PRKN: variants seen among roughly 807,000 people sequenced by gnomAD.
The protein encoded by PRKN is parkin RBR E3 ubiquitin protein ligase, also known as E3 ubiquitin-protein ligase parkin.
PRKN carries 56 observed loss-of-function variants against 59.5 expected under a neutral mutation model. That is an observed-to-expected ratio of 0.94 (90% CI 0.76 to 1.18). The LOEUF is 1.18. Ranked by LOEUF, PRKN falls within the 50% of genes most tolerant of loss-of-function variation. PRKN has a pLI of 0.00. For synonymous variants in PRKN, 250 were observed against 222.1 expected (o/e 1.13, Z -1.12); for missense variants, 657 against 596.4 (o/e 1.10, Z -1.06).
At chr6:162,625,125 G>A (rs556051555) in intron 1 of PRKN, among the ~76,000 whole-genome samples, 57 of 152,256 alleles carry the variant, frequency 3.7e-4, no homozygotes, top group Non-Finnish European at 6.6e-4. Flanking sequence ...AAGGCTGAAC[G>A]TGCTCCAGAT....
At chr6:162,301,807 T>C (rs1781973196) in intron 2 of PRKN, among the ~76,000 whole-genome samples, 1 of 145,140 alleles carries the variant, frequency 6.9e-6, no homozygotes. Context: ...AGAATTCACT[T>C]TCCCTGAAAG....
chr6:162,516,101 G>A (rs186974711), intron 1 of PRKN, among the ~76,000 whole-genome samples: 7 of 152,294 alleles, frequency 4.6e-5, no homozygotes, highest in South Asian at 4.1e-4. Context: ...CGCCAGTTCC[G>A]TCTTTGCACT....
At chr6:161,389,744 A>G (rs1194218461) in intron 9 of PRKN, among the ~76,000 whole-genome samples, 1 of 152,198 alleles carries the variant, frequency 6.6e-6, no homozygotes, top group Non-Finnish European at 1.5e-5. Context: ...TGCTTTCTAG[A>G]GAAGCAAATC....
chr6:162,058,274 T>A (rs1217883467), intron 4 of PRKN, among the ~76,000 whole-genome samples: 1 of 152,224 alleles, frequency 6.6e-6, no homozygotes, highest in African/African-American at 2.4e-5. Context: ...TCTGCATGTA[T>A]CCCTGCAAGG....
rs1008202175 is a variant in PRKN, at chr6:161,645,664, T to C, written c.872-76248A>G. 1.5e-4 allele frequency among the ~76,000 whole-genome samples: 23 copies of C among 152,270 alleles called. 1 individual carries two copies. The highest frequency in any genetic ancestry group is 5.5e-4 in the African/African-American group (23 of 41,468). The stretch of plus-strand genomic sequence containing the variant: ...TGTTAATGTCCTAGCTATATGTGCA[T>C]TTGGCATTGTTGCCTAATTAAAACT... On this transcript the variant is annotated intron_variant, in intron 7 of 11. Transcript: ENST00000366898.
chr6:161,873,456 G>A (rs993392402), intron 6 of PRKN, among the ~76,000 whole-genome samples: 27 of 152,042 alleles, frequency 1.8e-4, no homozygotes, highest in Admixed American at 5.9e-4. Context: ...TTTCCTGACG[G>A]GAACTAAATA....
chr6:162,207,565 A>C (rs181605011), intron 3 of PRKN, among the ~76,000 whole-genome samples: 2 of 152,142 alleles, frequency 1.3e-5, no homozygotes, highest in African/African-American at 4.8e-5. Context: ...CCGTCCTAAC[A>C]TCCCACTCAG....
At chr6:162,023,450 G>A (rs563401117) in intron 5 of PRKN, among the ~76,000 whole-genome samples, 67 of 152,218 alleles carry the variant, frequency 4.4e-4, no homozygotes, top group Non-Finnish European at 7.6e-4. Flanking sequence ...TTTCCCTGGA[G>A]TCGGGCTGCT....
At chr6:162,131,973 G>A (rs556977967) in intron 4 of PRKN, among the ~76,000 whole-genome samples, 1 of 152,282 alleles carries the variant, frequency 6.6e-6, no homozygotes, top group East Asian at 1.9e-4. Flanking sequence ...CACCAACACC[G>A]CCGACGTGTG....
chr6:162,686,294 G>C (rs558520502), intron 1 of PRKN, among the ~76,000 whole-genome samples: 2 of 152,282 alleles, frequency 1.3e-5, no homozygotes, highest in East Asian at 3.9e-4. Flanking sequence ...TGAACATTCT[G>C]AGAATAATCC....
At chr6:162,375,802 C>CAT (rs1384644268) in intron 2 of PRKN, among the ~76,000 whole-genome samples, 3 of 151,178 alleles carry the variant, frequency 2.0e-5, no homozygotes, top group South Asian at 2.1e-4. Flanking sequence ...GATATATATA[C>CAT]ATATATATAC....
rs182266844 is a variant in PRKN, at chr6:161,359,085, C to T, written c.1285+1003G>A. ...CTGGGATTACAGGCGTGAGCCACCG[C>T]GCCCGGCCGCCTTCTGCTCTTTATA... is the stretch of plus-strand genomic sequence containing the variant. On this transcript the variant is annotated intron_variant, in intron 11 of 11. Coordinates refer to ENST00000366898, the MANE Select transcript of PRKN (RefSeq NM_004562.3). This position sits in a 1 kb window ranked among gnomAD's most constrained non-coding sequence, Gnocchi z 5.4. Among the ~76,000 whole-genome samples the T allele has an allele frequency of 1.3e-5, 2 of 152,132 alleles. No individual in the cohort carries two copies. Among genetic ancestry groups the T allele is most frequent in the Non-Finnish European group, 2.9e-5 (2 of 68,014 alleles).
intron 7 of PRKN, among the ~76,000 whole-genome samples, chr6:161,606,286 G>T (rs1052434367): frequency 3.9e-5 from 6 of 152,324 alleles, no homozygotes; most frequent in Admixed American, 6.5e-5. Context: ...GCAGGAGGAA[G>T]GGAGGCTGGG....
At chr6:162,178,542 C>T (rs1783642199) in intron 4 of PRKN, among the ~76,000 whole-genome samples, 1 of 152,170 alleles carries the variant, frequency 6.6e-6, no homozygotes. Flanking sequence ...TCAATTAAAT[C>T]CCTCAAGTAC....
intron 1 of PRKN, among the ~76,000 whole-genome samples, chr6:162,473,961 C>T (rs1791884066): frequency 6.6e-6 from 1 of 152,088 alleles, no homozygotes; most frequent in Non-Finnish European, 1.5e-5. Context: ...ACTGATTTCC[C>T]ACCAGCTTTC....
intron 5 of PRKN, among the ~76,000 whole-genome samples, chr6:162,031,268 A>T (rs1282088150): frequency 1.3e-5 from 2 of 151,844 alleles, no homozygotes; most frequent in Admixed American, 6.6e-5. Context: ...ACAAATGGTG[A>T]CAAGAATATA....
chr6:162,293,131 G>T (rs561364000), intron 2 of PRKN, among the ~76,000 whole-genome samples: 8 of 152,186 alleles, frequency 5.3e-5, no homozygotes, highest in Non-Finnish European at 8.8e-5. Context: ...TAAAGGGAAG[G>T]AAAAGAAAAT....
intron 4 of PRKN, among the ~76,000 whole-genome samples, chr6:162,151,271 A>G (rs1046201092): frequency 6.6e-6 from 1 of 152,186 alleles, no homozygotes; most frequent in Non-Finnish European, 1.5e-5. Context: ...AGTTTGTCTC[A>G]AGGTTTGGCT....
At chr6:162,711,511 C>T (rs80286485) in intron 1 of PRKN, among the ~76,000 whole-genome samples, 2,384 of 151,920 alleles carry the variant, frequency 0.016, 19 homozygotes, top group Non-Finnish European at 0.024. Context: ...ATCTCCCAAA[C>T]GTGGCCCTTC....
Sources: gnomAD v4.1 joint callset for allele counts (sites outside exome capture counted in the v4.1 genomes callset) on GRCh38, gnomAD v4.1.1 for gene constraint, Gnocchi (gnomAD v3.1) non-coding constraint, MANE v1.5 for transcripts, NCBI Gene and HGNC (gene_info 2026-07-23, HGNC 2026-07-21) for gene names.